The following FBXL7 variants were observed in gnomAD, a reference collection of about 807,000 sequenced individuals.
The protein encoded by FBXL7 is F-box/LRR-repeat protein 7.
FBXL7 carries 12 observed loss-of-function variants against 38.3 expected under a neutral mutation model. That is an observed-to-expected ratio of 0.31 (90% CI 0.20 to 0.51). The LOEUF is 0.51. Among genes scored for constraint, FBXL7 ranks in the 20% least tolerant of loss-of-function variants. The pLI is 0.98. For synonymous variants in FBXL7, 297 were observed against 300.9 expected (o/e 0.99, Z 0.13); for missense variants, 567 against 676.4 (o/e 0.84, Z 1.79).
chr5:15,802,282 A>C (rs943533080), intron 2 of FBXL7, among the ~76,000 whole-genome samples: 2 of 152,030 alleles, frequency 1.3e-5, no homozygotes, highest in African/African-American at 4.8e-5. Context: ...GAGAAGCATG[A>C]CCCAGATCAT....
intron 2 of FBXL7, among the ~76,000 whole-genome samples, chr5:15,811,767 C>G (rs1737867583): frequency 6.6e-6 from 1 of 151,906 alleles, no homozygotes; most frequent in African/African-American, 2.4e-5. Flanking sequence ...TAGAGAAATG[C>G]AAATCAAAAC....
chr5:15,530,171 C>T (rs923240828), intron 1 of FBXL7, among the ~76,000 whole-genome samples: 3 of 152,120 alleles, frequency 2.0e-5, no homozygotes, highest in African/African-American at 7.2e-5. Context: ...TCAACAATTC[C>T]TTACCTCCTT....
intron 2 of FBXL7, among the ~76,000 whole-genome samples, chr5:15,722,194 A>C (rs963379044): frequency 1.3e-5 from 2 of 152,202 alleles, no homozygotes; most frequent in African/African-American, 4.8e-5. Context: ...AGTCACTCAA[A>C]AATATACTGT....
chr5:15,879,517 C>T (rs917995968), intron 2 of FBXL7, among the ~76,000 whole-genome samples: 1 of 152,170 alleles, frequency 6.6e-6, no homozygotes, highest in African/African-American at 2.4e-5. Context: ...TGAGAGAAAT[C>T]AGCTTTAGGG....
intron 2 of FBXL7, among the ~76,000 whole-genome samples, chr5:15,833,207 A>G (rs1180015202): frequency 6.6e-6 from 1 of 152,146 alleles, no homozygotes; most frequent in Non-Finnish European, 1.5e-5. Context: ...TACTTCTTAT[A>G]GTTCTGGAAG....
At chr5:15,612,583 G>C (rs1740284338) in intron 1 of FBXL7, among the ~76,000 whole-genome samples, 1 of 152,052 alleles carries the variant, frequency 6.6e-6, no homozygotes, top group Non-Finnish European at 1.5e-5. Context: ...ACTGTGTACT[G>C]GTTCCCCTTT....
chr5:15,749,026 C>T lies in FBXL7; in HGVS notation c.127+132954C>T, dbSNP rs542331917. 5.3e-5 allele frequency among the ~76,000 whole-genome samples: 8 copies of T among 152,066 alleles called. No homozygotes were observed. The East Asian group carries it at 1.6e-3, about 30-fold the overall frequency. ...TTAGGAGGCTGAGTGGGGCAGATTA[C>T]CTGAGGTCAGGAGTTAGAGACCAGC... On this transcript the variant is annotated intron_variant, in intron 2 of 3. Coordinates refer to ENST00000504595, the MANE Select transcript of FBXL7 (RefSeq NM_012304.5).
intron 2 of FBXL7, among the ~76,000 whole-genome samples, chr5:15,921,122 C>T (rs376097804): frequency 2.6e-5 from 4 of 152,236 alleles, no homozygotes; most frequent in South Asian, 2.1e-4. Flanking sequence ...TGGCTCACGC[C>T]TGTAATCTCA....
chr5:15,869,622 A>AT (rs1739865797), intron 2 of FBXL7, among the ~76,000 whole-genome samples: 1 of 152,080 alleles, frequency 6.6e-6, no homozygotes, highest in Non-Finnish European at 1.5e-5. Flanking sequence ...CTAAATAGAG[A>AT]TTTTTATATG....
At chr5:15,822,231 A>G (rs2126765144) in intron 2 of FBXL7, among the ~76,000 whole-genome samples, 1 of 150,674 alleles carries the variant, frequency 6.6e-6, no homozygotes, top group East Asian at 2.0e-4. Flanking sequence ...GTTTGGTGGC[A>G]CGTGCCTATA....
At position 15,524,426 on chromosome 5, in the gene FBXL7, T is replaced by C. The variant is rs558826490; in HGVS notation, c.37+23713T>C. Among the ~76,000 whole-genome samples, 8 of 152,356 alleles carry C rather than the reference T, an allele frequency of 5.3e-5. No homozygotes were observed. In the South Asian group the frequency reaches 1.4e-3, roughly 28 times the overall value. On this transcript the variant is annotated intron_variant, in intron 1 of 3. Transcript: ENST00000504595. Reference sequence around the variant, plus strand: ...TCCAAGGAAACCTAAGACATTCATTTCCAATTAGTGGAATTCTATTTTAAT... The same window carrying C: ...TCCAAGGAAACCTAAGACATTCATTCCCAATTAGTGGAATTCTATTTTAAT...
At chr5:15,883,328 T>A (rs1298620839) in intron 2 of FBXL7, among the ~76,000 whole-genome samples, 1 of 152,172 alleles carries the variant, frequency 6.6e-6, no homozygotes, top group Non-Finnish European at 1.5e-5. Flanking sequence ...TAATTTTTGT[T>A]TTTTCTGGAA....
At chr5:15,669,165 T>C (rs1204012760) in intron 2 of FBXL7, among the ~76,000 whole-genome samples, 1 of 152,228 alleles carries the variant, frequency 6.6e-6, no homozygotes, top group African/African-American at 2.4e-5. Context: ...TGGTAACTAA[T>C]TGTAGCCTAT....
At chr5:15,657,611 A>G (rs1164966904) in intron 2 of FBXL7, among the ~76,000 whole-genome samples, 1 of 152,106 alleles carries the variant, frequency 6.6e-6, no homozygotes. Context: ...AGACAGGTGG[A>G]TCACCTGAGC....
At chr5:15,625,977 AAGAGGAAGAGATTCTG>A in intron 2 of FBXL7, among the ~76,000 whole-genome samples, 1 of 152,336 alleles carries the variant, frequency 6.6e-6, no homozygotes, top group East Asian at 1.9e-4. Context: ...GGGGGGCCTT[AAGAGGAAGAGATTCTG>A]AAGTCAGAAA....
intron 2 of FBXL7, among the ~76,000 whole-genome samples, chr5:15,864,797 A>G (rs1283892173): frequency 6.6e-6 from 1 of 152,196 alleles, no homozygotes; most frequent in African/African-American, 2.4e-5. Context: ...TCTAATTTCT[A>G]TTGAAATCCA....
chr5:15,823,626 T>A (rs531522589), intron 2 of FBXL7, among the ~76,000 whole-genome samples: 1 of 152,184 alleles, frequency 6.6e-6, no homozygotes, highest in African/African-American at 2.4e-5. Flanking sequence ...GCAGCTCTGT[T>A]GCTCTAGTGG....
chr5:15,522,658 T>G (rs1241095878), intron 1 of FBXL7, among the ~76,000 whole-genome samples: 1 of 152,232 alleles, frequency 6.6e-6, no homozygotes, highest in African/African-American at 2.4e-5. Context: ...CATTGATCTC[T>G]TCAACAAAAG....
intron 1 of FBXL7, among the ~76,000 whole-genome samples, chr5:15,556,950 T>C (rs1738255442): frequency 6.6e-6 from 1 of 151,924 alleles, no homozygotes; most frequent in South Asian, 2.1e-4. Flanking sequence ...CAGATTGTGG[T>C]TTTTTTTGAA....
Sources: gnomAD v4.1 joint callset for allele counts (sites outside exome capture counted in the v4.1 genomes callset) on GRCh38, gnomAD v4.1.1 for gene constraint, MANE v1.5 for transcripts, NCBI Gene and HGNC (gene_info 2026-07-23, HGNC 2026-07-21) for gene names.